The following MAML2 variants were observed in gnomAD, a reference collection of about 807,000 sequenced individuals.
MAML2 encodes the protein mastermind like transcriptional coactivator 2.
MAML2 carries 22 observed loss-of-function variants against 96.1 expected under a neutral mutation model. That is an observed-to-expected ratio of 0.23 (90% confidence interval 0.16 to 0.33). MAML2 has a LOEUF of 0.33. Ranked by LOEUF, MAML2 falls within the 10% of genes least tolerant of loss-of-function variation. The pLI is 1.00. For missense variants in MAML2, 1,367 were observed against 1,392.4 expected (o/e 0.98, Z 0.29); for synonymous variants, 561 against 521.3 (o/e 1.08, Z -1.04).
At chr11:96,104,932 ACAACCCATAACCTTC>A (rs1265921643) in intron 1 of MAML2, among the ~76,000 whole-genome samples, 1 of 152,224 alleles carries the variant, frequency 6.6e-6, no homozygotes, top group Non-Finnish European at 1.5e-5. Context: ...TACAGTAGAA[ACAACCCATAACCTTC>A]CAATAAATCT....
intron 1 of MAML2, among the ~76,000 whole-genome samples, chr11:96,325,610 C>T (rs1342040426): frequency 6.6e-6 from 1 of 151,988 alleles, no homozygotes; most frequent in East Asian, 1.9e-4. Flanking sequence ...ATGCCTGTAC[C>T]TCCTTGGGAC....
In MAML2 at chr11:95,991,641, T is replaced by C. The variant is rs774060043; in HGVS notation, c.2222A>G (p.Tyr741Cys). The C allele has an allele frequency of 8.7e-6, 14 of 1,613,794 alleles. No individual in the cohort carries two copies. In the East Asian group the frequency reaches 3.1e-4, roughly 36 times the overall value. The change falls in exon 3 of 5, where the codon TAC becomes TGC. Residue 741 changes from tyrosine (Y) to cysteine (C), a missense_variant. By Grantham distance (194) the Tyr-to-Cys change is radical. Transcript: ENST00000524717. ...PCSNPNTGSG[Y>C]MNSQQSLLNQ... is the part of the protein sequence containing the mutation. Reference sequence around the variant, plus strand: ...CAACAGTGATTGCTGGGAGTTCATGTAACCACTTCCAGTGTTTGGATTTGA... The same window carrying C: ...CAACAGTGATTGCTGGGAGTTCATGCAACCACTTCCAGTGTTTGGATTTGA...
chr11:96,247,124 C>T lies in MAML2; in HGVS notation c.513+94259G>A, dbSNP rs369921038. ...GGTTACAAGCAGAGAACAGAGAGCC[C>T]TCATTAATGTCTTTCTAGCCTCAAA... is the stretch of plus-strand genomic sequence containing the variant. On this transcript the variant is annotated intron_variant, in intron 1 of 4. Transcript: ENST00000524717. Among the ~76,000 whole-genome samples, 36 of 152,084 alleles carry T rather than the reference C, an allele frequency of 2.4e-4. 1 individual carries two copies. Among genetic ancestry groups the T allele is most frequent in the African/African-American group, 8.4e-4 (35 of 41,506 alleles).
chr11:96,013,619 A>G (rs1172577816), intron 2 of MAML2, among the ~76,000 whole-genome samples: 1 of 152,178 alleles, frequency 6.6e-6, no homozygotes. Flanking sequence ...AGACCCTAGC[A>G]GTAGACACAA....
At position 95,979,782 on chromosome 11, in the gene MAML2, G is replaced by A. The variant is rs377373100; in HGVS notation, c.2637C>T (p.Asn879=). 1 of 1,613,944 alleles carries A rather than the reference G, an allele frequency of 6.2e-7. No individual in the cohort carries two copies. The highest frequency in any genetic ancestry group is 8.5e-7 in the Non-Finnish European group (1 of 1,179,856). The change falls in exon 5 of 5, where the codon AAC becomes AAT. Residue 879 remains asparagine, a synonymous_variant. Transcript: ENST00000524717. ...TCATTCCTGAAGTGACACTGTATGT[G>A]TTAGGTTGATTACAAGGCAGATTTC... is the stretch of plus-strand genomic sequence containing the variant. ...MYGNLPCNQP[N]TYSVTSGMNQ... is the part of the protein sequence containing the mutation.
intron 2 of MAML2, among the ~76,000 whole-genome samples, chr11:96,024,879 C>T (rs1858492170): frequency 6.6e-6 from 1 of 152,232 alleles, no homozygotes; most frequent in African/African-American, 2.4e-5. Flanking sequence ...CTGTGTCAAA[C>T]TGGCCACATC....
chr11:96,025,874 A>AT lies in MAML2; in HGVS notation c.2140-34152dup, dbSNP rs573690421. Among the ~76,000 whole-genome samples, 11 of 152,264 alleles carry AT rather than the reference A, an allele frequency of 7.2e-5. No homozygotes were observed. In the East Asian group the frequency reaches 1.7e-3, roughly 24 times the overall value. ...CCGCGCCCAGCCAAAAGTATAAATTATTTTTTAAAAAGATTCTGTTATAGC... is the reference window on the plus strand; with the variant it reads ...CCGCGCCCAGCCAAAAGTATAAATTATTTTTTTAAAAAGATTCTGTTATAGC... On this transcript the variant is annotated intron_variant, in intron 2 of 4. Transcript: ENST00000524717.
chr11:96,095,797 C>T (rs572430692), intron 1 of MAML2, among the ~76,000 whole-genome samples: 2 of 152,308 alleles, frequency 1.3e-5, no homozygotes, highest in South Asian at 4.1e-4. Flanking sequence ...AACCAAGTTG[C>T]CTGAGACTTC....
chr11:96,004,373 C>T (rs1047627474), intron 2 of MAML2, among the ~76,000 whole-genome samples: 1 of 151,994 alleles, frequency 6.6e-6, no homozygotes, highest in Non-Finnish European at 1.5e-5. Flanking sequence ...TGAAACAAAT[C>T]CGGAATAAAA....
At chr11:96,256,234 A>G (rs1463162280) in intron 1 of MAML2, among the ~76,000 whole-genome samples, 1 of 152,128 alleles carries the variant, frequency 6.6e-6, no homozygotes, top group Non-Finnish European at 1.5e-5. Context: ...GATGCCACAA[A>G]AAAAAATTCT....
intron 1 of MAML2, among the ~76,000 whole-genome samples, chr11:96,201,815 A>C (rs1466896271): frequency 6.6e-6 from 1 of 151,620 alleles, no homozygotes; most frequent in Non-Finnish European, 1.5e-5. Flanking sequence ...GCTACTTGTG[A>C]GGCTGAGGCA....
intron 2 of MAML2, among the ~76,000 whole-genome samples, chr11:96,074,545 T>A (rs1444717953): frequency 6.6e-6 from 1 of 152,234 alleles, no homozygotes; most frequent in Non-Finnish European, 1.5e-5. Context: ...GAAAGATCCA[T>A]GGTCAGTCCA....
chr11:96,119,350 T>C (rs901165128), intron 1 of MAML2, among the ~76,000 whole-genome samples: 1 of 152,178 alleles, frequency 6.6e-6, no homozygotes, highest in Admixed American at 6.5e-5. Context: ...GATTTGAAGA[T>C]GCTACATTAG....
At chr11:96,332,969 G>C (rs542390190) in intron 1 of MAML2, among the ~76,000 whole-genome samples, 186 of 152,308 alleles carry the variant, frequency 1.2e-3, no homozygotes, top group African/African-American at 4.3e-3. Context: ...TAAGTTATTA[G>C]AGGTTGTAGC....
intron 1 of MAML2, among the ~76,000 whole-genome samples, chr11:96,217,574 T>G (rs1199994235): frequency 6.6e-6 from 1 of 152,216 alleles, no homozygotes; most frequent in African/African-American, 2.4e-5. Context: ...AGACCCAACC[T>G]TTAAGTCCTT....
chr11:96,049,543 G>A (rs1194209953), intron 2 of MAML2, among the ~76,000 whole-genome samples: 2 of 152,124 alleles, frequency 1.3e-5, no homozygotes, highest in African/African-American at 4.8e-5. Context: ...ATAGGATTTG[G>A]ACTAACACTA....
intron 1 of MAML2, among the ~76,000 whole-genome samples, chr11:96,118,706 C>T (rs1860286285): frequency 6.6e-6 from 1 of 152,066 alleles, no homozygotes; most frequent in Admixed American, 6.5e-5. Flanking sequence ...TCTTCTGGCT[C>T]TGATTTAGGT....
At chr11:96,228,828 A>C (rs495393) in intron 1 of MAML2, among the ~76,000 whole-genome samples, 1 of 152,200 alleles carries the variant, frequency 6.6e-6, no homozygotes, top group Admixed American at 6.5e-5. Context: ...CTTCATAAGC[A>C]ATTTTGAGGC....
intron 2 of MAML2, among the ~76,000 whole-genome samples, chr11:96,033,321 C>T (rs689121): frequency 0.48 from 72,533 of 151,990 alleles, 17,458 homozygotes; most frequent in Middle Eastern, 0.6. Flanking sequence ...TACCTTATAT[C>T]AGAGTTCCTT....
Sources: gnomAD v4.1 joint callset for allele counts (sites outside exome capture counted in the v4.1 genomes callset) on GRCh38, gnomAD v4.1.1 for gene constraint, MANE v1.5 for transcripts, NCBI Gene and HGNC (gene_info 2026-07-23, HGNC 2026-07-21) for gene names.